Variants in RHOU observed in about 807,000 individuals in gnomAD.
The protein encoded by RHOU is ras homolog family member U, also known as rho-related GTP-binding protein RhoU.
Under a neutral mutation model 12.6 loss-of-function variants are expected in RHOU, and 8 were observed. The observed-to-expected ratio is 0.64, with a 90% CI of 0.37 to 1.15. The LOEUF is 1.15. RHOU is among the 50% of genes most tolerant of loss of function. The pLI, the probability that RHOU is intolerant of heterozygous loss-of-function variation, is 0.01. For synonymous variants in RHOU, 161 were observed against 147.4 expected (o/e 1.09, Z -0.67); for missense variants, 258 against 347.0 (o/e 0.74, Z 2.04).
At chr1:228,681,405 G>A in the RHOU span, among the ~76,000 whole-genome samples, 3 of 152,124 alleles carry the variant, frequency 2.0e-5, no homozygotes, top group Non-Finnish European at 4.4e-5. Context: ...GGGAGGAGGT[G>A]AGGGGTCAGA....
chr1:228,727,783 G>A, the RHOU span, among the ~76,000 whole-genome samples: 1 of 152,204 alleles, frequency 6.6e-6, no homozygotes, highest in Admixed American at 6.5e-5. Context: ...TGGCCAGGGT[G>A]ATTATGGTGG....
At chr1:228,659,135 T>C in the RHOU span, among the ~76,000 whole-genome samples, 1 of 152,176 alleles carries the variant, frequency 6.6e-6, no homozygotes, top group South Asian at 2.1e-4. Context: ...TCCCAGCACT[T>C]TGGGAGGCTG....
At chr1:228,684,013 T>G in the RHOU span, among the ~76,000 whole-genome samples, 1 of 152,200 alleles carries the variant, frequency 6.6e-6, no homozygotes, top group Non-Finnish European at 1.5e-5. Flanking sequence ...AGCGTATGCC[T>G]GTGGTTGAAG....
chr1:228,672,756 C>A, the RHOU span, among the ~76,000 whole-genome samples: 1 of 152,292 alleles, frequency 6.6e-6, no homozygotes, highest in South Asian at 2.1e-4. Context: ...GGGGTATGAT[C>A]CAAACTTGCG....
chr1:228,738,262 A>C lies in RHOU; in HGVS notation c.321+531A>C, dbSNP rs747921266. On this transcript the variant is annotated intron_variant, in intron 2 of 2. Transcript: ENST00000366691. The surrounding 1 kb of genome is among the most constrained non-coding windows in gnomAD (Gnocchi z 4.2). Reference sequence around the variant, plus strand: ...CAGATACATTTGTCAGAGCAGTCCTAAGCTGGAGGGATGAACTAACTGGGC... The same window carrying C: ...CAGATACATTTGTCAGAGCAGTCCTCAGCTGGAGGGATGAACTAACTGGGC... Among the ~76,000 whole-genome samples the C allele has an allele frequency of 1.3e-5, 2 of 152,160 alleles. No homozygotes were observed. The highest frequency in any genetic ancestry group is 2.9e-5 in the Non-Finnish European group (2 of 68,018).
the RHOU span, among the ~76,000 whole-genome samples, chr1:228,662,238 TA>T: frequency 1.3e-5 from 2 of 152,202 alleles, no homozygotes; most frequent in Non-Finnish European, 2.9e-5. Context: ...GGTGGGAGTG[TA>T]AACTAGCTCA....
chr1:228,717,749 G>C, the RHOU span, among the ~76,000 whole-genome samples: 2 of 152,226 alleles, frequency 1.3e-5, no homozygotes, highest in Non-Finnish European at 1.5e-5. Flanking sequence ...TTCAGTTAAT[G>C]AGAGTGGCGC....
chr1:228,684,615 G>A, the RHOU span, among the ~76,000 whole-genome samples: 13 of 152,198 alleles, frequency 8.5e-5, 1 homozygote, highest in African/African-American at 3.1e-4. Context: ...GTGATCTACT[G>A]TGCCCTGCTG....
chr1:228,707,718 C>T, the RHOU span, among the ~76,000 whole-genome samples: 1 of 152,114 alleles, frequency 6.6e-6, no homozygotes, highest in African/African-American at 2.4e-5. Flanking sequence ...AAAACCAGAG[C>T]AGAAAAACTG....
the RHOU span, among the ~76,000 whole-genome samples, chr1:228,700,665 A>C: frequency 6.6e-6 from 1 of 152,224 alleles, no homozygotes; most frequent in African/African-American, 2.4e-5. Context: ...AAATATACCA[A>C]GACATGTCAG....
chr1:228,694,899 A>G, the RHOU span, among the ~76,000 whole-genome samples: 1 of 152,180 alleles, frequency 6.6e-6, no homozygotes, highest in Admixed American at 6.5e-5. Context: ...CAACATTATG[A>G]TAATTATTTT....
the RHOU span, among the ~76,000 whole-genome samples, chr1:228,703,542 T>C: frequency 6.6e-6 from 1 of 151,296 alleles, no homozygotes; most frequent in Non-Finnish European, 1.5e-5. Flanking sequence ...AAAAAAAGTG[T>C]TTTAAGATAG....
chr1:228,728,624 T>G, the RHOU span, among the ~76,000 whole-genome samples: 1 of 152,228 alleles, frequency 6.6e-6, no homozygotes, highest in Non-Finnish European at 1.5e-5. Context: ...TTCTTTGGAA[T>G]GCAAATAACC....
rs1346111693 is a variant in RHOU at position 228,743,098 on chromosome 1, A to C, written c.322-187A>C. On this transcript the variant is annotated intron_variant, in intron 2 of 2. Transcript: ENST00000366691. This position sits in a 1 kb window ranked among gnomAD's most constrained non-coding sequence, Gnocchi z 5.1. ...GGCCCTGAAAGCAGATGGCTGCCAC[A>C]CCTTCGCTGGTGCACTGGCCCCGCT... 6.6e-6 allele frequency among the ~76,000 whole-genome samples: 1 copy of C among 152,136 alleles called. No homozygotes were observed. Among genetic ancestry groups the C allele is most frequent in the Non-Finnish European group, 1.5e-5 (1 of 68,032 alleles).
chr1:228,680,404 A>G, the RHOU span, among the ~76,000 whole-genome samples: 1 of 152,126 alleles, frequency 6.6e-6, no homozygotes, highest in African/African-American at 2.4e-5. Flanking sequence ...CATTTGAAAC[A>G]AGGTCCACGA....
the RHOU span, among the ~76,000 whole-genome samples, chr1:228,686,954 G>C: frequency 6.6e-6 from 1 of 152,016 alleles, no homozygotes; most frequent in Non-Finnish European, 1.5e-5. Flanking sequence ...TGGCCAGGCT[G>C]GTCTCGAACT....
chr1:228,688,920 A>C, the RHOU span, among the ~76,000 whole-genome samples: 1 of 152,204 alleles, frequency 6.6e-6, no homozygotes, highest in African/African-American at 2.4e-5. Flanking sequence ...CAGAGAAACA[A>C]ATATAAAGCT....
the RHOU span, among the ~76,000 whole-genome samples, chr1:228,689,839 C>T: frequency 3.9e-5 from 6 of 151,920 alleles, no homozygotes; most frequent in African/African-American, 1.5e-4. Flanking sequence ...TTGTCTTCCA[C>T]GAAACTGGTC....
upstream of RHOU, among the ~76,000 whole-genome samples, chr1:228,732,933 T>G (rs978510286): frequency 6.6e-6 from 1 of 152,160 alleles, no homozygotes; most frequent in Non-Finnish European, 1.5e-5. Context: ...ACAAACACCA[T>G]AAACTTAAAC....
Sources: allele counts gnomAD v4.1 joint callset (sites outside exome capture counted in the v4.1 genomes callset), GRCh38; gene constraint gnomAD v4.1.1; non-coding constraint Gnocchi (gnomAD v3.1); transcripts MANE v1.5; gene names NCBI Gene and HGNC (gene_info 2026-07-23, HGNC 2026-07-21).